Variants in RAPGEF6 observed in about 807,000 individuals in gnomAD.
The protein encoded by RAPGEF6 is Rap guanine nucleotide exchange factor 6, also known as PDZ domain containing guanine nucleotide exchange factor (GEF) 2.
Under a neutral mutation model 171.4 loss-of-function variants are expected in RAPGEF6, and 56 were observed. That is an observed-to-expected ratio of 0.33 (90% confidence interval 0.26 to 0.41). RAPGEF6 has a LOEUF of 0.41. Among genes scored for constraint, RAPGEF6 ranks in the 10% least tolerant of loss-of-function variants. The pLI, the probability that RAPGEF6 is intolerant of heterozygous loss-of-function variation, is 1.00. For synonymous variants in RAPGEF6, 692 were observed against 650.1 expected, an observed-to-expected ratio of 1.06 and a Z score of -0.98; for missense variants, 1,674 against 1,921.4, an observed-to-expected ratio of 0.87 and a Z score of 2.41.
At chr5:131,558,959 T>C (rs1438313929) in intron 5 of RAPGEF6, among the ~76,000 whole-genome samples, 1 of 152,180 alleles carries the variant, frequency 6.6e-6, no homozygotes, top group African/African-American at 2.4e-5. Context: ...GTAAAATGTG[T>C]ACATGATGAG....
At chr5:131,617,231 G>C (rs959010153) in intron 1 of RAPGEF6, among the ~76,000 whole-genome samples, 4 of 152,070 alleles carry the variant, frequency 2.6e-5, no homozygotes, top group Admixed American at 6.6e-5. Flanking sequence ...GATCACTTGA[G>C]CCCAGAAGTA....
chr5:131,458,729 C>T (rs906828981), intron 19 of RAPGEF6, among the ~76,000 whole-genome samples: 1 of 152,326 alleles, frequency 6.6e-6, no homozygotes, highest in African/African-American at 2.4e-5. Flanking sequence ...TCTTGGCTTA[C>T]TGCAACCTCC....
intron 4 of RAPGEF6, among the ~76,000 whole-genome samples, chr5:131,569,666 C>T (rs1009701315): frequency 1.3e-5 from 2 of 152,014 alleles, no homozygotes; most frequent in African/African-American, 2.4e-5. Flanking sequence ...GCTATGACAC[C>T]AAAAGCTCTA....
intron 4 of RAPGEF6, among the ~76,000 whole-genome samples, chr5:131,563,584 G>C (rs1381417681): frequency 6.6e-6 from 1 of 152,134 alleles, no homozygotes; most frequent in Non-Finnish European, 1.5e-5. Context: ...GCTCACTGTA[G>C]CCTCGACATC....
intron 14 of RAPGEF6, among the ~76,000 whole-genome samples, chr5:131,490,461 TAA>T (rs1177903323): frequency 3.3e-5 from 5 of 152,168 alleles, no homozygotes; most frequent in African/African-American, 1.2e-4. Context: ...GCAAAAATAA[TAA>T]AAAGAGATCT....
intron 4 of RAPGEF6, among the ~76,000 whole-genome samples, chr5:131,569,664 A>G (rs1334184567): frequency 1.3e-5 from 2 of 152,214 alleles, no homozygotes. Context: ...TAGCTATGAC[A>G]CCAAAAGCTC....
chr5:131,531,057 C>T (rs1759335512), intron 6 of RAPGEF6, among the ~76,000 whole-genome samples: 1 of 152,102 alleles, frequency 6.6e-6, no homozygotes. Flanking sequence ...CAGCTGTTTG[C>T]CAAATGGACA....
chr5:131,504,143 T>C (rs1757196801), intron 11 of RAPGEF6, among the ~76,000 whole-genome samples: 1 of 152,136 alleles, frequency 6.6e-6, no homozygotes, highest in African/African-American at 2.4e-5. Context: ...TGGCAATAAG[T>C]CATCCTTCAT....
chr5:131,459,207 T>G lies in RAPGEF6; in HGVS notation c.2864+2498A>C, dbSNP rs558650777. On this transcript the variant is annotated intron_variant, in intron 19 of 27. Coordinates refer to ENST00000509018, the MANE Select transcript of RAPGEF6 (RefSeq NM_016340.6). The stretch of plus-strand genomic sequence containing the variant: ...TCAGTACATAATAGATGGCATTGCA[T>G]ATTTTAGAAAAAAAGATTGATTAAT... Among the ~76,000 whole-genome samples, 6 of 152,330 alleles carry G rather than the reference T, an allele frequency of 3.9e-5. No individual in the cohort carries two copies. The South Asian group carries it at 1.2e-3, about 32-fold the overall frequency.
intron 1 of RAPGEF6, among the ~76,000 whole-genome samples, chr5:131,625,893 A>C (rs1379376897): frequency 2.0e-5 from 3 of 152,068 alleles, no homozygotes; most frequent in Non-Finnish European, 4.4e-5. Flanking sequence ...CACATGGAAA[A>C]TATCCCAGTT....
At chr5:131,628,055 A>C (rs1766054736) in intron 1 of RAPGEF6, among the ~76,000 whole-genome samples, 1 of 152,174 alleles carries the variant, frequency 6.6e-6, no homozygotes. Flanking sequence ...GAGACATAAC[A>C]ATACGGAAAT....
chr5:131,509,542 C>A lies in RAPGEF6; in HGVS notation c.805+772G>T, dbSNP rs561252729. Among the ~76,000 whole-genome samples, 730 of 136,926 alleles carry A rather than the reference C, an allele frequency of 5.3e-3. 5 individuals are homozygous for A. The highest frequency in any genetic ancestry group is 0.018 in the African/African-American group (681 of 38,114). 89.8% of individuals were successfully genotyped at this position (136,926 alleles called of 152,430 possible). A position where few individuals can be genotyped will look rare whatever the true frequency, so the allele number is the denominator to read the frequency against. On this transcript the variant is annotated intron_variant, in intron 8 of 27. Transcript: ENST00000509018. ...TGGGCGACAGAGTGAGACACCGTCT[C>A]AAAAAAAAAAATAAGAGTACACACA...
intron 17 of RAPGEF6, chr5:131,469,772 T>C (rs997080403): frequency 2.2e-5 from 32 of 1,453,068 alleles, no homozygotes; most frequent in East Asian, 7.5e-5. Flanking sequence ...ACAAGGGCAA[T>C]AGAATACTAC....
intron 11 of RAPGEF6, among the ~76,000 whole-genome samples, chr5:131,501,331 G>C (rs1413622516): frequency 7.0e-6 from 1 of 142,952 alleles, no homozygotes; most frequent in South Asian, 2.2e-4. Context: ...GTGAGACTTT[G>C]TCTCCAAAAA....
intron 24 of RAPGEF6, among the ~76,000 whole-genome samples, chr5:131,437,789 G>C (rs1752107273): frequency 6.6e-6 from 1 of 152,208 alleles, no homozygotes; most frequent in Non-Finnish European, 1.5e-5. Context: ...AAGCAAGTGA[G>C]TAATGGAGCT....
At chr5:131,474,969 G>A (rs1028408371) in intron 16 of RAPGEF6, among the ~76,000 whole-genome samples, 2 of 152,172 alleles carry the variant, frequency 1.3e-5, no homozygotes, top group African/African-American at 4.8e-5. Context: ...GGAATTAACT[G>A]CATCAACTGC....
intron 15 of RAPGEF6, among the ~76,000 whole-genome samples, chr5:131,482,705 G>C (rs1002014501): frequency 1.3e-5 from 2 of 152,188 alleles, no homozygotes; most frequent in African/African-American, 4.8e-5. Context: ...TACTGTTGTG[G>C]AACTTACAGT....
At chr5:131,623,312 G>A in intron 1 of RAPGEF6, among the ~76,000 whole-genome samples, 1 of 152,092 alleles carries the variant, frequency 6.6e-6, no homozygotes, top group Admixed American at 6.5e-5. Flanking sequence ...GAACTGCCAA[G>A]TAAAACACTG....
intron 7 of RAPGEF6, among the ~76,000 whole-genome samples, chr5:131,514,500 A>G (rs1335307656): frequency 1.3e-5 from 2 of 152,208 alleles, no homozygotes; most frequent in East Asian, 3.8e-4. Context: ...AATGTGACCT[A>G]TAAACAGGAA....
Sources: allele counts gnomAD v4.1 joint callset (sites outside exome capture counted in the v4.1 genomes callset), GRCh38; gene constraint gnomAD v4.1.1; transcripts MANE v1.5; gene names NCBI Gene and HGNC (gene_info 2026-07-23, HGNC 2026-07-21).